The following DSCAML1 variants were observed in gnomAD, a reference collection of about 807,000 sequenced individuals.
DSCAML1 encodes cell adhesion molecule DSCAML1.
DSCAML1 carries 38 observed loss-of-function variants against 200.5 expected under a neutral mutation model. That is an observed-to-expected ratio of 0.19 (90% CI 0.15 to 0.25). DSCAML1 has a LOEUF of 0.25. DSCAML1 is among the 10% of genes least tolerant of loss of function. DSCAML1 has a pLI of 1.00. For missense variants in DSCAML1, 2,223 were observed against 2,858.8 expected (o/e 0.78, Z 5.07); for synonymous variants, 1,215 against 1,165.0 (o/e 1.04, Z -0.87).
chr11:117,510,350 G>A (rs1296032416), intron 8 of DSCAML1, among the ~76,000 whole-genome samples: 1 of 152,170 alleles, frequency 6.6e-6, no homozygotes, highest in Non-Finnish European at 1.5e-5. Context: ...GTGACTGTGG[G>A]CAAGGCACCT....
chr11:117,570,487 A>G (rs1239431055), intron 3 of DSCAML1, among the ~76,000 whole-genome samples: 1 of 152,206 alleles, frequency 6.6e-6, no homozygotes, highest in African/African-American at 2.4e-5. Flanking sequence ...GCACTGAAAT[A>G]TAAGTGTCAT....
At chr11:117,711,718 A>T (rs530002984) in intron 3 of DSCAML1, among the ~76,000 whole-genome samples, 176 of 152,250 alleles carry the variant, frequency 1.2e-3, no homozygotes, top group African/African-American at 4.1e-3. Flanking sequence ...TGTCCTGACC[A>T]CCTTAATCAC....
chr11:117,723,836 G>A (rs1013609742), intron 3 of DSCAML1, among the ~76,000 whole-genome samples: 1 of 152,246 alleles, frequency 6.6e-6, no homozygotes, highest in Non-Finnish European at 1.5e-5. Flanking sequence ...GGGAGGGAAT[G>A]ATGGGGCCAG....
intron 3 of DSCAML1, among the ~76,000 whole-genome samples, chr11:117,641,441 T>C (rs1180742400): frequency 2.0e-5 from 3 of 152,204 alleles, no homozygotes; most frequent in Admixed American, 6.5e-5. Context: ...ACTTCCCCTG[T>C]GTCTCACACC....
chr11:117,621,494 A>C (rs1053237129), intron 3 of DSCAML1, among the ~76,000 whole-genome samples: 5 of 152,344 alleles, frequency 3.3e-5, no homozygotes, highest in Non-Finnish European at 7.3e-5. Context: ...AGGGGAAGGC[A>C]GGGAGGATAA....
intron 19 of DSCAML1, among the ~76,000 whole-genome samples, chr11:117,458,026 C>T (rs1565698985): frequency 6.6e-6 from 1 of 152,174 alleles, no homozygotes; most frequent in Admixed American, 6.5e-5. Flanking sequence ...AGTGGCGGGG[C>T]TGGAGGCGGA....
intron 3 of DSCAML1, among the ~76,000 whole-genome samples, chr11:117,661,906 C>G (rs540085124): frequency 6.6e-6 from 1 of 152,188 alleles, no homozygotes; most frequent in Non-Finnish European, 1.5e-5. Flanking sequence ...AGGGTTGAGG[C>G]CTGCCTGCTG....
At chr11:117,454,200 C>T (rs2048334056) in intron 19 of DSCAML1, among the ~76,000 whole-genome samples, 1 of 152,074 alleles carries the variant, frequency 6.6e-6, no homozygotes, top group South Asian at 2.1e-4. Context: ...GGATCATTAC[C>T]AGCATCACCC....
intron 17 of DSCAML1, among the ~76,000 whole-genome samples, chr11:117,464,290 G>T (rs977532505): frequency 6.6e-6 from 1 of 152,092 alleles, no homozygotes; most frequent in Non-Finnish European, 1.5e-5. Context: ...GGAGCATCAG[G>T]GGCCATGTCC....
intron 14 of DSCAML1, 144 bp from the exon 15 acceptor site, chr11:117,472,180 A>C: frequency 1.2e-6 from 1 of 851,048 alleles, no homozygotes; most frequent in Non-Finnish European, 1.8e-6. Context: ...ACAGGCCTGA[A>C]CAACTTCACA....
intron 3 of DSCAML1, among the ~76,000 whole-genome samples, chr11:117,649,266 C>T (rs1447110635): frequency 2.6e-5 from 4 of 152,124 alleles, no homozygotes; most frequent in South Asian, 2.1e-4. Flanking sequence ...TTAGTAGAGA[C>T]GAGGTTTCAC....
chr11:117,760,619 G>C (rs1160864160), intron 3 of DSCAML1, among the ~76,000 whole-genome samples: 1 of 152,202 alleles, frequency 6.6e-6, no homozygotes, highest in Non-Finnish European at 1.5e-5. Flanking sequence ...GCCAATATTG[G>C]CTTCTGATTT....
At position 117,481,178 on chromosome 11, in the gene DSCAML1, C is replaced by G; in HGVS notation, c.2652G>C (p.Val884=). ...GGGTGGGGCAGGTGAAGGTACCTTG[C>G]ACAGTGAGTTGGATCAAGCCCCGGT... ...GEDRGLIQLT[V]QEPPDPPELE... is the part of the protein sequence containing the mutation. The change falls in exon 13 of 33, where the codon GTG becomes GTC. Residue 884 remains valine, a synonymous_variant. Coordinates refer to ENST00000651296, the MANE Select transcript of DSCAML1 (RefSeq NM_020693.4). 6.2e-7 allele frequency: 1 copy of G among 1,613,774 alleles called. No homozygotes were observed. The highest frequency in any genetic ancestry group is 8.5e-7 in the Non-Finnish European group (1 of 1,179,930).
intron 3 of DSCAML1, among the ~76,000 whole-genome samples, chr11:117,730,411 T>A (rs1262789643): frequency 2.6e-5 from 4 of 152,188 alleles, no homozygotes; most frequent in African/African-American, 9.7e-5. Context: ...CACACTGATT[T>A]TAGTCCCGTG....
At chr11:117,584,244 C>G (rs1315652836) in intron 3 of DSCAML1, among the ~76,000 whole-genome samples, 1 of 152,246 alleles carries the variant, frequency 6.6e-6, no homozygotes, top group Non-Finnish European at 1.5e-5. Flanking sequence ...TGTCTTTGTT[C>G]TAGCTCCATT....
At chr11:117,592,207 C>T (rs2051271658) in intron 3 of DSCAML1, among the ~76,000 whole-genome samples, 1 of 152,136 alleles carries the variant, frequency 6.6e-6, no homozygotes, top group Admixed American at 6.5e-5. Flanking sequence ...TGTCATCTTA[C>T]ACCCCTCTGC....
chr11:117,726,508 T>G (rs1591444878), intron 3 of DSCAML1, among the ~76,000 whole-genome samples: 1 of 152,252 alleles, frequency 6.6e-6, no homozygotes, highest in East Asian at 1.9e-4. Flanking sequence ...AAAGGGCCCT[T>G]CAGGATGCTG....
chr11:117,588,175 G>A (rs2051187270), intron 3 of DSCAML1, among the ~76,000 whole-genome samples: 1 of 152,068 alleles, frequency 6.6e-6, no homozygotes, highest in Admixed American at 6.5e-5. Context: ...AGCTAATAGA[G>A]GACAGAGCCT....
intron 4 of DSCAML1, among the ~76,000 whole-genome samples, chr11:117,526,763 G>A (rs929365990): frequency 5.3e-5 from 8 of 152,076 alleles, no homozygotes; most frequent in African/African-American, 4.8e-5. Flanking sequence ...TGATCCACCC[G>A]CCTCGGCTTC....
Sources: allele counts gnomAD v4.1 joint callset (sites outside exome capture counted in the v4.1 genomes callset), GRCh38; gene constraint gnomAD v4.1.1; transcripts MANE v1.5; gene names NCBI Gene and HGNC (gene_info 2026-07-23, HGNC 2026-07-21).